PLK2: variants seen among roughly 807,000 people sequenced by gnomAD.
PLK2 encodes polo like kinase 2.
In PLK2, 25 loss-of-function variants were observed where a neutral mutation model predicts 78.1. That is an observed-to-expected ratio of 0.32 (90% confidence interval 0.23 to 0.45). The LOEUF is 0.45. Among genes scored for constraint, PLK2 ranks in the 20% least tolerant of loss-of-function variants. PLK2 has a pLI of 1.00. For missense variants in PLK2, 566 were observed against 840.2 expected, an observed-to-expected ratio of 0.67 and a Z score of 4.04; for synonymous variants, 332 against 298.2, an observed-to-expected ratio of 1.11 and a Z score of -1.17.
chr5:58,459,518 C>G, intron 1 of PLK2, 172 bp downstream of exon 1: 1 of 605,818 alleles, frequency 1.7e-6, no homozygotes, highest in Non-Finnish European at 2.9e-6. Context: ...CGATCCCCAG[C>G]GCTGCCGGCG....
Position 58,455,282 on chromosome 5 carries a change from T to C in PLK2, c.1755+3A>G, listed in dbSNP as rs1015454372. 1.9e-6 allele frequency: 3 copies of C among 1,613,858 alleles called. No individual in the cohort carries two copies. The highest frequency in any genetic ancestry group is 2.5e-6 in the Non-Finnish European group (3 of 1,179,924). On this transcript the variant is annotated splice_donor_region_variant and intron_variant, in intron 12 of 13. Transcript: ENST00000274289. Reference sequence around the variant, plus strand: ...GTCACCACTCTAAAGCCACAGTACTTACATCCATGAGGTTCTCCTCCATGT... The same window carrying C: ...GTCACCACTCTAAAGCCACAGTACTCACATCCATGAGGTTCTCCTCCATGT...
At chr5:58,458,006 GA>G in intron 5 of PLK2, 77 bp downstream of exon 5, 2 of 875,886 alleles carry the variant, frequency 2.3e-6, no homozygotes, top group Non-Finnish European at 3.8e-6. Context: ...CCGGACCTCT[GA>G]AACATTAAAT....
intron 9 of PLK2, 49 bp downstream of exon 9, chr5:58,456,443 T>C (rs778669557): frequency 7.4e-6 from 8 of 1,081,112 alleles, no homozygotes; most frequent in African/African-American, 1.6e-5. Context: ...TAATAAAGAG[T>C]GGAAATAACG....
Position 58,455,652 on chromosome 5 carries a change from G to A in PLK2, c.1512C>T (p.Val504=), listed in dbSNP as rs749602500. 1 of 1,614,078 alleles carries A rather than the reference G, an allele frequency of 6.2e-7. No homozygotes were observed. Among genetic ancestry groups the A allele is most frequent in the South Asian group, 1.1e-5 (1 of 91,080 alleles). Residue 504 remains valine (V), a synonymous_variant, in exon 11 of 14, where the codon GTC becomes GTT. Coordinates refer to ENST00000274289, the MANE Select transcript of PLK2 (RefSeq NM_006622.4). ...KEQLSTSFQW[V]TKWVDYSNKY... is the part of the protein sequence containing the mutation. ...TGTTAGAGTAATCAACCCATTTGGT[G>A]ACCCACTGAAATGATGTGCTCAGCT...
chr5:58,458,858 G>A lies in PLK2; in HGVS notation c.379-17C>T. The A allele has an allele frequency of 6.7e-7, 1 of 1,498,782 alleles. No individual in the cohort carries two copies. Among genetic ancestry groups the A allele is most frequent in the Non-Finnish European group, 9.3e-7 (1 of 1,075,844 alleles). 92.8% of individuals were successfully genotyped at this position (1,498,782 alleles called of 1,614,324 possible). On this transcript the variant is annotated splice_polypyrimidine_tract_variant and intron_variant, in intron 2 of 13. Transcript: ENST00000274289. ...TTTGTCAATCTAAATGAAAAAGCAA[G>A]GTAAGGCTTATTAGCTTCCAGTCAC...
rs780058560 is a variant in PLK2, at chr5:58,456,468, CTACTT to C, written c.1254+19_1254+23del. The C allele has an allele frequency of 2.0e-5, 27 of 1,351,262 alleles. No individual in the cohort carries two copies. The South Asian group carries it at 3.0e-4, about 15-fold the overall frequency. The allele number at this position is 1,351,262 out of a possible 1,614,324, so 83.7% of individuals were successfully genotyped here. Reference sequence around the variant, plus strand: ...TGGAAATAACGTAAAGCGTGAGTATCTACTTTACTCTTTCCCAACACACCTCATCT... The same window carrying C: ...TGGAAATAACGTAAAGCGTGAGTATCTACTCTTTCCCAACACACCTCATCT... On this transcript the variant is annotated intron_variant, in intron 9 of 13. Transcript: ENST00000274289.
Position 58,459,802 on chromosome 5 carries a change from G to C in PLK2, c.158C>G (p.Pro53Arg). The C allele has an allele frequency of 6.2e-7, 1 of 1,608,540 alleles. No homozygotes were observed. Among genetic ancestry groups the C allele is most frequent in the East Asian group, 2.2e-5 (1 of 44,842 alleles). Residue 53 changes from proline to arginine, a missense_variant, in exon 1 of 14, where the codon CCG (proline) becomes CGG (arginine). By Grantham distance (103) the Pro-to-Arg change is moderately radical (BLOSUM62 -2). Transcript: ENST00000274289. ...QPPQSQAQVP[P>R]AAPHHHHHHS... ...GTGGTGATGGTGGTGAGGGGCCGCC[G>C]GGGGCACTTGCGCCTGGGACTGAGG...
rs1743586627 is a variant in PLK2, at chr5:58,455,861, C to G, written c.1385-82G>C. 3.9e-6 allele frequency: 6 copies of G among 1,540,472 alleles called. No individual in the cohort carries two copies. In the South Asian group the frequency reaches 6.9e-5, roughly 18 times the overall value. On this transcript the variant is annotated intron_variant, in intron 10 of 13. Coordinates refer to ENST00000274289, the MANE Select transcript of PLK2 (RefSeq NM_006622.4). ...AGGCTTTGGTAGATGCTAAGTTTCA[C>G]TCCATTAATTCGAAAGACATAGAAC...
chr5:58,459,383 A>C (rs994154385), intron 1 of PLK2: 3 of 563,988 alleles, frequency 5.3e-6, no homozygotes, highest in Non-Finnish European at 9.3e-6. Context: ...GAGACTTGTC[A>C]GGAAAATTCC....
chr5:58,456,605 CA>C lies in PLK2; in HGVS notation c.1157-17del, dbSNP rs1743611783. On this transcript the variant is annotated splice_polypyrimidine_tract_variant and intron_variant, in intron 8 of 13. Transcript: ENST00000274289. Reference sequence around the variant, plus strand: ...GACACTCTATCTGTATATCAAGAAACAGAATTACAAACATTAGTCTATCTTA... The same window carrying C: ...GACACTCTATCTGTATATCAAGAAACGAATTACAAACATTAGTCTATCTTA... 1 of 1,412,906 alleles carries C rather than the reference CA, an allele frequency of 7.1e-7. No individual in the cohort carries two copies. Among genetic ancestry groups the C allele is most frequent in the East Asian group, 2.3e-5 (1 of 43,940 alleles). The allele number at this position is 1,412,906 out of a possible 1,614,324, so 87.5% of individuals were successfully genotyped here.
At chr5:58,457,639 G>C in intron 5 of PLK2, 56 bp from the exon 6 acceptor site, 1 of 999,906 alleles carries the variant, frequency 1.0e-6, no homozygotes, top group Non-Finnish European at 1.6e-6. Context: ...CTTAAACTTG[G>C]TTCTCTTGAC....
At chr5:58,456,633 C>T in intron 8 of PLK2, 44 bp from the exon 9 acceptor site, 5 of 1,208,132 alleles carry the variant, frequency 4.1e-6, no homozygotes, top group Non-Finnish European at 4.9e-6. Flanking sequence ...TCTATCTTAA[C>T]AAGGTAGGAA....
At position 58,459,795 on chromosome 5, in the gene PLK2, G is replaced by A. The variant is rs778281135; in HGVS notation, c.165C>T (p.Ala55=). 12 of 1,608,278 alleles carry A rather than the reference G, an allele frequency of 7.5e-6. No homozygotes were observed. The highest frequency in any genetic ancestry group is 1.1e-5 in the South Asian group (1 of 91,064). The change falls in exon 1 of 14, where the codon GCC becomes GCT. Residue 55 remains alanine, a synonymous_variant. Transcript: ENST00000274289. The stretch of plus-strand genomic sequence containing the variant: ...GCGAATGGTGGTGATGGTGGTGAGG[G>A]GCCGCCGGGGGCACTTGCGCCTGGG... ...PQSQAQVPPA[A]PHHHHHHSHS... is the part of the protein sequence containing the mutation.
Position 58,458,156 on chromosome 5 carries a change from T to C in PLK2, c.641A>G (p.Asn214Ser). 1 of 1,612,058 alleles carries C rather than the reference T, an allele frequency of 6.2e-7. No homozygotes were observed. The highest frequency in any genetic ancestry group is 8.5e-7 in the Non-Finnish European group (1 of 1,178,242). Reference protein sequence around the residue: ...RDLKLGNFFINEAMELKVGDF... With the variant: ...RDLKLGNFFISEAMELKVGDF... ...CCCAACTTTTAGTTCCATGGCTTCA[T>C]TAATAAAAAAGTTCCCTAGACGATA... Residue 214 changes from asparagine to serine, a missense_variant, in exon 5 of 14, where the codon AAT becomes AGT. Asn to Ser is a conservative substitution (Grantham distance 46). Transcript: ENST00000274289.
At position 58,456,153 on chromosome 5, in the gene PLK2, C is replaced by T. The variant is rs1454534025; in HGVS notation, c.1257G>A (p.Glu419=). 1 of 1,612,768 alleles carries T rather than the reference C, an allele frequency of 6.2e-7. No homozygotes were observed. ...QQPSKHRTDE[E]LQPPTTTVAR... Reference sequence around the variant, plus strand: ...CAACTGTGGTGGTAGGTGGCTGGAGCTCCTTAGAAGAGAGAAGATTTATGC... The same window carrying T: ...CAACTGTGGTGGTAGGTGGCTGGAGTTCCTTAGAAGAGAGAAGATTTATGC... The change falls in exon 10 of 14, where the codon GAG becomes GAA. Residue 419 remains glutamate, a splice_region_variant and synonymous_variant. Transcript: ENST00000274289.
Position 58,456,033 on chromosome 5 carries a change from G to A in PLK2, c.1377C>T (p.Ser459=), listed in dbSNP as rs1231567685. ...CGATTGACAACCACTTACATTCACTGCTGCTGCTACAGCTGCCAAGAGTCC... is the reference window on the plus strand; with the variant it reads ...CGATTGACAACCACTTACATTCACTACTGCTGCTACAGCTGCCAAGAGTCC... ...VRGTLGSCSS[S]SECLEDSTMG... is the part of the protein sequence containing the mutation. The change falls in exon 10 of 14, where the codon AGC becomes AGT. Residue 459 remains serine (S), a synonymous_variant. Transcript: ENST00000274289. 1.2e-6 allele frequency: 2 copies of A among 1,611,658 alleles called. No homozygotes were observed. The highest frequency in any genetic ancestry group is 1.7e-6 in the Non-Finnish European group (2 of 1,179,134).
Position 58,455,412 on chromosome 5 carries a change from G to T in PLK2, c.1628C>A (p.Thr543Lys). The T allele has an allele frequency of 6.2e-7, 1 of 1,613,822 alleles. No homozygotes were observed. Among genetic ancestry groups the T allele is most frequent in the Non-Finnish European group, 8.5e-7 (1 of 1,179,908 alleles). Residue 543 changes from threonine (T) to lysine (K), a missense_variant and splice_region_variant, in exon 12 of 14, where the codon ACA becomes AAA. This residue lies in a region of PLK2 where 130 missense variants were observed against 196.4 expected (regional missense o/e 0.66). Transcript: ENST00000274289. Reference sequence around the variant, plus strand: ...GCCAAGCTCTGCGTAATAGTGAACTGTTCTATAAAAACAGGAACGAAAGGG... The same window carrying T: ...GCCAAGCTCTGCGTAATAGTGAACTTTTCTATAAAAACAGGAACGAAAGGG... ...AHMSLLPDKKTVHYYAELGQC... is the reference protein window; with the variant it reads ...AHMSLLPDKKKVHYYAELGQC...
Position 58,460,083 on chromosome 5 carries a change from G to GT in PLK2, c.-125dup. On this transcript the variant is annotated 5_prime_UTR_variant, in exon 1 of 14. Coordinates refer to ENST00000274289, the MANE Select transcript of PLK2 (RefSeq NM_006622.4). ...TAGCACCCAACACCCCGGTCCACTT[G>GT]TGCGAGTGAGAGCGCTCGGCGAAGT... 1 of 1,170,282 alleles carries GT rather than the reference G, an allele frequency of 8.5e-7. No individual in the cohort carries two copies. Among genetic ancestry groups the GT allele is most frequent in the Non-Finnish European group, 1.2e-6 (1 of 847,130 alleles). The allele number at this position is 1,170,282 out of a possible 1,614,324, so 72.5% of individuals were successfully genotyped here. A position where few individuals can be genotyped will look rare whatever the true frequency, so the allele number is the denominator to read the frequency against.
rs1283794284 is a variant in PLK2 at position 58,459,871 on chromosome 5, G to C, written c.89C>G (p.Ser30Trp). Residue 30 changes from serine (S) to tryptophan (W), a missense_variant, in exon 1 of 14, where the codon TCG becomes TGG. By Grantham distance (177) the Ser-to-Trp change is radical. Coordinates refer to ENST00000274289, the MANE Select transcript of PLK2 (RefSeq NM_006622.4). ...GGGCTGCGGCGGCCGCTTCTTCTTC[G>C]AGTCCGCTCCGCAACCCTTGCCCAG... ...QALGKGCGAD[S>W]KKKRPPQPPE... The C allele has an allele frequency of 6.2e-7, 1 of 1,611,428 alleles. No homozygotes were observed. The highest frequency in any genetic ancestry group is 8.5e-7 in the Non-Finnish European group (1 of 1,179,780).
Sources: allele counts gnomAD v4.1 joint callset, GRCh38; gene constraint gnomAD v4.1.1; regional missense constraint gnomAD v4.1.1; transcripts MANE v1.5; gene names NCBI Gene and HGNC (gene_info 2026-07-23, HGNC 2026-07-21).